Variants in CLYBL observed in about 807,000 individuals in gnomAD.
CLYBL encodes the protein citramalyl-CoA lyase.
CLYBL carries 31 observed loss-of-function variants against 38.9 expected under a neutral mutation model. That is an observed-to-expected ratio of 0.80 (90% CI 0.60 to 1.08). CLYBL has a LOEUF of 1.08. Ranked by LOEUF, CLYBL falls within the 50% of genes least tolerant of loss-of-function variation. The pLI is 0.00. For synonymous variants in CLYBL, 171 were observed against 158.6 expected (o/e 1.08, Z -0.59); for missense variants, 434 against 411.6 (o/e 1.05, Z -0.47).
intron 2 of CLYBL, among the ~76,000 whole-genome samples, chr13:99,820,815 G>A (rs1257770813): frequency 6.6e-6 from 1 of 152,194 alleles, no homozygotes; most frequent in Non-Finnish European, 1.5e-5. Context: ...ACCATGTGTT[G>A]TTTAAATGTG....
At chr13:99,721,627 CT>C (rs1205908366) in intron 1 of CLYBL, among the ~76,000 whole-genome samples, 2 of 112,980 alleles carry the variant, frequency 1.8e-5, no homozygotes, top group East Asian at 3.2e-4. Context: ...TCCCTCCCCC[CT>C]CCCCCTCTAA....
chr13:99,815,013 G>A (rs1257658835), intron 2 of CLYBL, among the ~76,000 whole-genome samples: 1 of 152,122 alleles, frequency 6.6e-6, no homozygotes, highest in Non-Finnish European at 1.5e-5. Flanking sequence ...GCAACAGATT[G>A]AGACCCCATC....
At chr13:99,797,591 T>TGTGTGTGTGTGTG (rs1566331106) in intron 2 of CLYBL, among the ~76,000 whole-genome samples, 7 of 151,570 alleles carry the variant, frequency 4.6e-5, no homozygotes, top group South Asian at 2.1e-4. Flanking sequence ...TGTGTGTGTG[T>TGTGTGTGTGTGTG]TTAAACAACA....
chr13:99,875,327 T>C (rs1239570104), intron 7 of CLYBL, among the ~76,000 whole-genome samples: 3 of 152,212 alleles, frequency 2.0e-5, no homozygotes, highest in Non-Finnish European at 4.4e-5. Flanking sequence ...GAAACATCTC[T>C]TAATAAAGAA....
chr13:99,791,476 C>T (rs1187526645), intron 2 of CLYBL, among the ~76,000 whole-genome samples: 1 of 152,006 alleles, frequency 6.6e-6, no homozygotes, highest in Non-Finnish European at 1.5e-5. Context: ...CATACAGGAG[C>T]ATAATTTGAT....
chr13:99,607,174 C>T (rs1334262271), intron 1 of CLYBL, among the ~76,000 whole-genome samples: 1 of 149,322 alleles, frequency 6.7e-6, no homozygotes, highest in Non-Finnish European at 1.5e-5. Flanking sequence ...ATTTGAGGAC[C>T]CCCCAAAGCT....
exon 10 of CLYBL, among the ~76,000 whole-genome samples, chr13:99,908,885 G>A (rs1040921304): frequency 5.3e-5 from 8 of 152,148 alleles, no homozygotes; most frequent in Non-Finnish European, 5.9e-5. Context: ...CAAATGGGAG[G>A]TGTTCTCCTT....
rs936756579 is a variant in CLYBL at position 99,800,563 on chromosome 13, A to G, written c.249+27553A>G. Among the ~76,000 whole-genome samples the G allele has an allele frequency of 6.6e-5, 10 of 152,036 alleles. 1 individual carries two copies. Among genetic ancestry groups the G allele is most frequent in the Non-Finnish European group, 2.9e-5 (2 of 67,998 alleles). Reference sequence around the variant, plus strand: ...GGAAAGGCTCACCTGAGCCAATACAATCCCTTTTGGCTTAAGACATAATTG... The same window carrying G: ...GGAAAGGCTCACCTGAGCCAATACAGTCCCTTTTGGCTTAAGACATAATTG... On this transcript the variant is annotated intron_variant, in intron 2 of 8. Coordinates refer to ENST00000339105, the MANE Select transcript of CLYBL (RefSeq NM_206808.5).
At chr13:99,621,662 C>A (rs977801473) in intron 1 of CLYBL, among the ~76,000 whole-genome samples, 1 of 152,178 alleles carries the variant, frequency 6.6e-6, no homozygotes, top group African/African-American at 2.4e-5. Flanking sequence ...AAGCTTGTCC[C>A]TGCAGCCTGT....
chr13:99,759,722 A>G (rs934755606), intron 1 of CLYBL, among the ~76,000 whole-genome samples: 1 of 152,116 alleles, frequency 6.6e-6, no homozygotes, highest in East Asian at 1.9e-4. Flanking sequence ...TACTTGTTTT[A>G]CTCTTCGGGA....
intron 1 of CLYBL, among the ~76,000 whole-genome samples, chr13:99,665,160 G>A (rs1383179172): frequency 1.3e-5 from 2 of 151,498 alleles, no homozygotes; most frequent in Non-Finnish European, 2.9e-5. Flanking sequence ...AGTGGCATAA[G>A]TATTTGTTTT....
chr13:99,717,436 GAAAAAAAA>G (rs1172721313), intron 1 of CLYBL, among the ~76,000 whole-genome samples: 4,462 of 91,192 alleles, frequency 0.049, 117 homozygotes, highest in African/African-American at 0.07. Context: ...AAAAAAATTA[GAAAAAAAA>G]AAAAAAAAAA....
chr13:99,741,166 T>C (rs2048748364), intron 1 of CLYBL, among the ~76,000 whole-genome samples: 1 of 152,208 alleles, frequency 6.6e-6, no homozygotes, highest in Non-Finnish European at 1.5e-5. Flanking sequence ...GATAGGAATC[T>C]TAAAGCTAGT....
At chr13:99,901,359 T>C (rs2052639897), downstream of CLYBL, among the ~76,000 whole-genome samples, 1 of 152,194 alleles carries the variant, frequency 6.6e-6, no homozygotes, top group African/African-American at 2.4e-5. Context: ...GGGCAAACTA[T>C]GTTTTTCTAA....
intron 1 of CLYBL, among the ~76,000 whole-genome samples, chr13:99,762,863 C>T (rs2049191464): frequency 6.6e-6 from 1 of 151,950 alleles, no homozygotes; most frequent in African/African-American, 2.4e-5. Context: ...TTATAGTTTT[C>T]CTTGTAGAGA....
At chr13:99,702,866 A>G (rs950928937) in intron 1 of CLYBL, among the ~76,000 whole-genome samples, 2 of 152,218 alleles carry the variant, frequency 1.3e-5, no homozygotes, top group African/African-American at 2.4e-5. Flanking sequence ...TTGCTCTGCT[A>G]CATAAGAAGC....
chr13:99,751,410 G>A (rs558357952), intron 1 of CLYBL, among the ~76,000 whole-genome samples: 13 of 152,128 alleles, frequency 8.5e-5, no homozygotes, highest in East Asian at 1.9e-4. Context: ...TAGTAGAGAC[G>A]GAGTTTTGCC....
intron 2 of CLYBL, among the ~76,000 whole-genome samples, chr13:99,827,449 C>T (rs564643807): frequency 2.3e-4 from 35 of 152,252 alleles, no homozygotes; most frequent in African/African-American, 3.6e-4. Flanking sequence ...CACAGTCACA[C>T]AAAAAAGTCC....
intron 1 of CLYBL, among the ~76,000 whole-genome samples, chr13:99,720,129 T>C (rs1358573612): frequency 6.6e-6 from 1 of 151,860 alleles, no homozygotes; most frequent in Admixed American, 6.5e-5. Context: ...ATTATAGTTT[T>C]CTTATTTATT....
Sources: gnomAD v4.1 joint callset for allele counts (sites outside exome capture counted in the v4.1 genomes callset) on GRCh38, gnomAD v4.1.1 for gene constraint, MANE v1.5 for transcripts, NCBI Gene and HGNC (gene_info 2026-07-23, HGNC 2026-07-21) for gene names.